Variants in SEM1 observed in about 807,000 individuals in gnomAD.
SEM1 encodes 26S proteasome complex subunit SEM1.
SEM1 carries 3 observed loss-of-function variants against 12.7 expected under a neutral mutation model. The observed-to-expected ratio is 0.24, with a 90% CI of 0.11 to 0.61. The LOEUF is 0.61. Among genes scored for constraint, SEM1 ranks in the 20% least tolerant of loss-of-function variants. The probability of loss-of-function intolerance (pLI) is 0.88; values close to 1 mark genes in which losing one functional copy is unlikely to be tolerated. For synonymous variants in SEM1, 30 were observed against 27.8 expected (o/e 1.08, Z -0.25); for missense variants, 59 against 81.3 (o/e 0.73, Z 1.06).
At chr7:96,495,968 A>G (rs1231390207) in intron 1 of SEM1, among the ~76,000 whole-genome samples, 1 of 152,100 alleles carries the variant, frequency 6.6e-6, no homozygotes, top group Non-Finnish European at 1.5e-5. Flanking sequence ...GCTGGCACCC[A>G]GAGTAGGCAT....
At chr7:96,547,609 T>G (rs1805142253) in intron 2 of SEM1, among the ~76,000 whole-genome samples, 1 of 152,156 alleles carries the variant, frequency 6.6e-6, no homozygotes, top group Admixed American at 6.6e-5. Flanking sequence ...TTTTTATAAC[T>G]GTTTTCACCA....
At chr7:96,617,250 A>G (rs1807749527) in intron 2 of SEM1, among the ~76,000 whole-genome samples, 1 of 152,118 alleles carries the variant, frequency 6.6e-6, no homozygotes, top group African/African-American at 2.4e-5. Flanking sequence ...TTCTTCTTAT[A>G]GAGATCTTTC....
chr7:96,702,664 T>C (rs912791321), intron 1 of SEM1, among the ~76,000 whole-genome samples: 15 of 152,322 alleles, frequency 9.8e-5, no homozygotes, highest in Middle Eastern at 3.4e-3. Context: ...GAATACTGTA[T>C]TTACATAGTT....
chr7:96,618,996 C>A (rs1807803672), downstream of SEM1, among the ~76,000 whole-genome samples: 2 of 152,124 alleles, frequency 1.3e-5, no homozygotes. Flanking sequence ...CATTCATATA[C>A]TGAATTGATT....
At chr7:96,501,736 T>A (rs1238477831) in intron 3 of SEM1, among the ~76,000 whole-genome samples, 1 of 152,182 alleles carries the variant, frequency 6.6e-6, no homozygotes, top group African/African-American at 2.4e-5. Flanking sequence ...TATTTTTTAA[T>A]AATTTCAACT....
downstream of SEM1, among the ~76,000 whole-genome samples, chr7:96,669,307 C>A (rs1207078534): frequency 6.6e-6 from 1 of 152,116 alleles, no homozygotes; most frequent in Non-Finnish European, 1.5e-5. Flanking sequence ...ATAGGCTTTG[C>A]AAGTTACGTA....
At chr7:96,685,991 C>G (rs1176476805), downstream of SEM1, among the ~76,000 whole-genome samples, 1 of 152,046 alleles carries the variant, frequency 6.6e-6, no homozygotes, top group Non-Finnish European at 1.5e-5. Flanking sequence ...TCCAAAATAT[C>G]TGCAAGAAAC....
chr7:96,642,097 T>C (rs1563094480), intron 2 of SEM1, among the ~76,000 whole-genome samples: 1 of 152,030 alleles, frequency 6.6e-6, no homozygotes, highest in Non-Finnish European at 1.5e-5. Context: ...AGTCCACTGG[T>C]CACATTTCAA....
intron 2 of SEM1, among the ~76,000 whole-genome samples, chr7:96,527,083 A>C (rs1804488571): frequency 6.6e-6 from 1 of 152,106 alleles, no homozygotes; most frequent in African/African-American, 2.4e-5. Flanking sequence ...CAAGAAAGTT[A>C]ACTCAGGTTG....
intron 1 of SEM1, among the ~76,000 whole-genome samples, chr7:96,705,452 C>A (rs1197688732): frequency 2.6e-5 from 4 of 151,714 alleles, no homozygotes; most frequent in African/African-American, 9.7e-5. Context: ...TTACTCGAAT[C>A]CACATCTAAT....
chr7:96,673,668 A>G, exon 3 of SEM1: 1 of 716,536 alleles, frequency 1.4e-6, no homozygotes, highest in Non-Finnish European at 2.6e-6. Context: ...ACATATCCAC[A>G]TGACTAGTGC....
intron 3 of SEM1, among the ~76,000 whole-genome samples, chr7:96,506,450 T>C (rs1453936893): frequency 1.3e-5 from 2 of 152,158 alleles, no homozygotes; most frequent in South Asian, 2.1e-4. Flanking sequence ...TTATTATATA[T>C]GTCAAATTTT....
At chr7:96,500,167 A>T (rs372560994), upstream of SEM1, among the ~76,000 whole-genome samples, 35 of 152,106 alleles carry the variant, frequency 2.3e-4, no homozygotes, top group African/African-American at 8.2e-4. Context: ...CATGATACAA[A>T]CAACACTGGA....
intron 2 of SEM1, among the ~76,000 whole-genome samples, chr7:96,531,597 C>A (rs1804643471): frequency 1.0e-5 from 1 of 99,994 alleles, no homozygotes; most frequent in African/African-American, 3.3e-5. Flanking sequence ...GACAGTGAGA[C>A]TCTGTGTGGA....
intron 2 of SEM1, among the ~76,000 whole-genome samples, chr7:96,562,366 C>T (rs1398252203): frequency 1.3e-5 from 2 of 152,030 alleles, no homozygotes; most frequent in African/African-American, 2.4e-5. Flanking sequence ...ATATAAAATA[C>T]TATTCTATGT....
At chr7:96,492,868 T>G (rs1173863222) in intron 1 of SEM1, among the ~76,000 whole-genome samples, 1 of 152,028 alleles carries the variant, frequency 6.6e-6, no homozygotes, top group Admixed American at 6.6e-5. Flanking sequence ...CTACTGTGAA[T>G]CATGCTGCTC....
chr7:96,650,260 A>G, intron 2 of SEM1: 1 of 448,540 alleles, frequency 2.2e-6, no homozygotes, highest in South Asian at 5.0e-5. Context: ...AACAGAACAA[A>G]CTATGGGAAA....
chr7:96,551,136 A>G (rs185071697), intron 2 of SEM1, among the ~76,000 whole-genome samples: 229 of 152,260 alleles, frequency 1.5e-3, no homozygotes, highest in African/African-American at 5.1e-3. Context: ...TCTGACACAC[A>G]TGAAAGGAGA....
intron 2 of SEM1, among the ~76,000 whole-genome samples, chr7:96,536,535 G>A (rs1418331674): frequency 6.6e-6 from 1 of 151,778 alleles, no homozygotes; most frequent in East Asian, 1.9e-4. Flanking sequence ...AAATACAATA[G>A]TGGATTTGTC....
Sources: allele counts gnomAD v4.1 joint callset (sites outside exome capture counted in the v4.1 genomes callset), GRCh38; gene constraint gnomAD v4.1.1; transcripts MANE v1.5; gene names NCBI Gene and HGNC (gene_info 2026-07-23, HGNC 2026-07-21).